Variants in ALPK2 observed in about 807,000 individuals in gnomAD.
ALPK2 encodes the protein alpha-protein kinase 2.
A neutral mutation model predicts 163.1 loss-of-function variants in ALPK2; 127 were observed. The ratio of observed to expected loss-of-function variants is 0.78; its 90% confidence interval spans 0.67 to 0.90. ALPK2 has a LOEUF of 0.90. ALPK2 is among the 40% of genes least tolerant of loss of function. The pLI is 0.00. For missense variants in ALPK2, 2,360 were observed against 2,589.6 expected (o/e 0.91, Z 1.92); for synonymous variants, 953 against 959.1 (o/e 0.99, Z 0.12).
At chr18:58,601,576 T>C (rs1167813792) in intron 3 of ALPK2, among the ~76,000 whole-genome samples, 4 of 152,200 alleles carry the variant, frequency 2.6e-5, no homozygotes, top group African/African-American at 9.7e-5. Flanking sequence ...GACCTTGGAA[T>C]GCTGCCCTTA....
chr18:58,606,572 G>A (rs190830048), intron 3 of ALPK2, among the ~76,000 whole-genome samples: 2 of 152,316 alleles, frequency 1.3e-5, no homozygotes, highest in Admixed American at 1.3e-4. Flanking sequence ...AAATGGTAGA[G>A]CTGGAACTCA....
intron 4 of ALPK2, among the ~76,000 whole-genome samples, chr18:58,546,173 C>T (rs2051716556): frequency 6.6e-6 from 1 of 152,178 alleles, no homozygotes; most frequent in Non-Finnish European, 1.5e-5. Context: ...TCATCTAAAA[C>T]CTCCAGTCCT....
intron 4 of ALPK2, among the ~76,000 whole-genome samples, chr18:58,564,977 C>T (rs954885594): frequency 2.0e-5 from 3 of 152,158 alleles, no homozygotes; most frequent in African/African-American, 7.2e-5. Context: ...ATGTATTCTT[C>T]CAGATCTAAA....
At chr18:58,483,771 G>T (rs1217414517) in intron 12 of ALPK2, among the ~76,000 whole-genome samples, 1 of 149,210 alleles carries the variant, frequency 6.7e-6, no homozygotes, top group African/African-American at 2.5e-5. Context: ...CACCATGTTG[G>T]CCAGGCTGGT....
intron 3 of ALPK2, among the ~76,000 whole-genome samples, chr18:58,594,583 A>G (rs1326883209): frequency 6.6e-6 from 1 of 152,200 alleles, no homozygotes; most frequent in Non-Finnish European, 1.5e-5. Context: ...TCAGCAGCAC[A>G]AATGTCCCTA....
At chr18:58,568,540 G>A (rs1048380879) in intron 4 of ALPK2, among the ~76,000 whole-genome samples, 1 of 152,088 alleles carries the variant, frequency 6.6e-6, no homozygotes, top group Non-Finnish European at 1.5e-5. Flanking sequence ...CTCTACCCTC[G>A]ATCTATTGAA....
intron 8 of ALPK2, among the ~76,000 whole-genome samples, chr18:58,521,715 C>A (rs541838404): frequency 3.4e-5 from 5 of 146,730 alleles, no homozygotes; most frequent in Admixed American, 1.4e-4. Context: ...GCAACCTCCA[C>A]CTCCCTGGTT....
chr18:58,555,673 G>T (rs1445822829), intron 4 of ALPK2, among the ~76,000 whole-genome samples: 2 of 152,204 alleles, frequency 1.3e-5, no homozygotes, highest in African/African-American at 2.4e-5. Context: ...CACTCCTGGA[G>T]AATGGGAGGG....
At chr18:58,517,923 A>G (rs7506949) in intron 8 of ALPK2, among the ~76,000 whole-genome samples, 144,042 of 152,266 alleles carry the variant, frequency 0.95, 68,599 homozygotes, top group East Asian at 1. Context: ...GAATTATTTT[A>G]AGTTTTCTAA....
At chr18:58,522,078 G>A (rs556846362) in intron 8 of ALPK2, among the ~76,000 whole-genome samples, 127 of 152,278 alleles carry the variant, frequency 8.3e-4, no homozygotes, top group African/African-American at 3.0e-3. Flanking sequence ...AAATCTTTAA[G>A]ATGCTAGTTC....
In ALPK2 at chr18:58,536,173, G is replaced by A. The variant is rs1428461012; in HGVS notation, c.4014C>T (p.Leu1338=). 2 of 1,614,158 alleles carry A rather than the reference G, an allele frequency of 1.2e-6. No homozygotes were observed. The highest frequency in any genetic ancestry group is 2.7e-5 in the African/African-American group (2 of 75,048). ...CTACAGGGTCCACGGATGACTCCAG[G>A]AGTCTGGGTTGGCTGAAACCCCGGG... ...LSSRGFSQPR[L]LESSVDPVDE... is the part of the protein sequence containing the mutation. The change falls in exon 5 of 13, where the codon CTC becomes CTT. Residue 1338 remains leucine, a synonymous_variant. Transcript: ENST00000361673.
intron 4 of ALPK2, among the ~76,000 whole-genome samples, chr18:58,575,464 T>C (rs971370991): frequency 1.2e-4 from 19 of 152,160 alleles, no homozygotes; most frequent in African/African-American, 4.6e-4. Context: ...CACATTTCCT[T>C]ACTGTACACT....
At chr18:58,617,743 G>A (rs927174742) in intron 1 of ALPK2, among the ~76,000 whole-genome samples, 15 of 152,016 alleles carry the variant, frequency 9.9e-5, no homozygotes, top group African/African-American at 3.4e-4. Context: ...TGGTATGTAT[G>A]GTACATGCTT....
At chr18:58,551,683 A>G (rs2051761062) in intron 4 of ALPK2, among the ~76,000 whole-genome samples, 2 of 152,218 alleles carry the variant, frequency 1.3e-5, no homozygotes, top group African/African-American at 4.8e-5. Flanking sequence ...ACACTTGAGA[A>G]GAGAAAGGTT....
chr18:58,611,639 G>C, intron 2 of ALPK2, 50 bp downstream of exon 2: 2 of 1,502,680 alleles, frequency 1.3e-6, no homozygotes, highest in Non-Finnish European at 1.8e-6. Context: ...CAAGAAACCT[G>C]GTATGCAGGG....
At chr18:58,554,275 A>G (rs1329192490) in intron 4 of ALPK2, among the ~76,000 whole-genome samples, 1 of 151,686 alleles carries the variant, frequency 6.6e-6, no homozygotes, top group African/African-American at 2.4e-5. Flanking sequence ...GGGTAGATCT[A>G]TGTGGAAGAC....
intron 3 of ALPK2, among the ~76,000 whole-genome samples, chr18:58,598,195 G>A (rs1439658301): frequency 6.6e-6 from 1 of 152,254 alleles, no homozygotes; most frequent in East Asian, 1.9e-4. Flanking sequence ...CCCAGGTGTG[G>A]GGTGTGGCCT....
Position 58,535,072 on chromosome 18 carries a change from C to A in ALPK2, c.5115G>T (p.Val1705=). 2 of 1,614,140 alleles carry A rather than the reference C, an allele frequency of 1.2e-6. No homozygotes were observed. The highest frequency in any genetic ancestry group is 1.7e-6 in the Non-Finnish European group (2 of 1,180,030). The change falls in exon 5 of 13, where the codon GTG becomes GTT. Residue 1705 remains valine, a synonymous_variant. Transcript: ENST00000361673. ...AGKSPGTLTA[V]TGSEEVKRKP... ...TCCTCTTGACCTCCTCTGACCCCGT[C>A]ACTGCTGTGAGGGTCCCTGGCGATT...
In ALPK2 at chr18:58,498,051, T is replaced by C. The variant is rs2051410056; in HGVS notation, c.6294A>G (p.Lys2098=). 2 of 1,614,104 alleles carry C rather than the reference T, an allele frequency of 1.2e-6. No individual in the cohort carries two copies. Among genetic ancestry groups the C allele is most frequent in the East Asian group, 4.5e-5 (2 of 44,884 alleles). Residue 2098 remains lysine, a splice_region_variant and synonymous_variant, in exon 12 of 13, where the codon AAA becomes AAG. Transcript: ENST00000361673. ...LTDVGIATLA[K]GYKGFKGNCS... is the part of the protein sequence containing the mutation. ...ACACTCCATTTTTTCCTACTCACCC[T>C]TTAGCCAGCGTTGCTATGCCAACGT...
Sources: gnomAD v4.1 joint callset for allele counts (sites outside exome capture counted in the v4.1 genomes callset) on GRCh38, gnomAD v4.1.1 for gene constraint, MANE v1.5 for transcripts, NCBI Gene and HGNC (gene_info 2026-07-23, HGNC 2026-07-21) for gene names.